Variants in FAF2 observed in about 807,000 individuals in gnomAD.
FAF2 encodes the protein FAS-associated factor 2.
A neutral mutation model predicts 62.3 loss-of-function variants in FAF2; 9 were observed. That is an observed-to-expected ratio of 0.14 (90% CI 0.09 to 0.25). FAF2 has a LOEUF of 0.25. Ranked by LOEUF, FAF2 falls within the 10% of genes least tolerant of loss-of-function variation. FAF2 has a pLI of 1.00. For synonymous variants in FAF2, 202 were observed against 198.0 expected, an observed-to-expected ratio of 1.02 and a Z score of -0.17; for missense variants, 368 against 556.2, an observed-to-expected ratio of 0.66 and a Z score of 3.40.
chr5:176,475,756 G>A (rs1017422219), intron 1 of FAF2, among the ~76,000 whole-genome samples: 4 of 150,828 alleles, frequency 2.7e-5, no homozygotes, highest in Admixed American at 6.6e-5. Flanking sequence ...GGACAAGAGC[G>A]AGACTTCGTC....
intron 1 of FAF2, among the ~76,000 whole-genome samples, chr5:176,460,513 C>CGTGTGTGTGTGTGTGTGTGT (rs747582699): frequency 7.5e-6 from 1 of 132,626 alleles, no homozygotes; most frequent in African/African-American, 2.8e-5. Flanking sequence ...TTTTTGGCCG[C>CGTGTGTGTGTGTGTGTGTGT]GTGTGTGTGT....
intron 3 of FAF2, among the ~76,000 whole-genome samples, chr5:176,488,135 A>G (rs1268586546): frequency 6.6e-6 from 1 of 151,634 alleles, no homozygotes; most frequent in Non-Finnish European, 1.5e-5. Flanking sequence ...GAGCCACCAC[A>G]CCCAGCTAAT....
At chr5:176,452,287 A>AC (rs1321593233) in intron 1 of FAF2, among the ~76,000 whole-genome samples, 5 of 152,040 alleles carry the variant, frequency 3.3e-5, no homozygotes, top group African/African-American at 1.2e-4. Context: ...CGAACTCCTG[A>AC]CCTCAGGTGA....
chr5:176,449,296 G>C (rs950131850), intron 1 of FAF2, among the ~76,000 whole-genome samples: 19 of 152,186 alleles, frequency 1.2e-4, no homozygotes, highest in Non-Finnish European at 2.4e-4. Flanking sequence ...CTACCCCCAG[G>C]CCAGGAGCGG....
At position 176,492,349 on chromosome 5, in the gene FAF2, A is replaced by G. The variant is rs750376864; in HGVS notation, c.483+17A>G. ...TACAGCCAGGTCAGTGCCATAAACCATATAGATGCCAACTTACCGAAATGA... is the reference window on the plus strand; with the variant it reads ...TACAGCCAGGTCAGTGCCATAAACCGTATAGATGCCAACTTACCGAAATGA... On this transcript the variant is annotated intron_variant, in intron 5 of 10. Coordinates refer to ENST00000261942, the MANE Select transcript of FAF2 (RefSeq NM_014613.3). The G allele has an allele frequency of 5.6e-6, 9 of 1,604,282 alleles. No individual in the cohort carries two copies. The highest frequency in any genetic ancestry group is 7.7e-6 in the Non-Finnish European group (9 of 1,175,248).
At chr5:176,490,470 G>A (rs997017559) in intron 4 of FAF2, among the ~76,000 whole-genome samples, 3 of 151,962 alleles carry the variant, frequency 2.0e-5, no homozygotes, top group Admixed American at 6.6e-5. Context: ...ATGTAGTCTG[G>A]GCCTTCCCTG....
intron 2 of FAF2, among the ~76,000 whole-genome samples, chr5:176,479,834 T>C (rs1359920103): frequency 6.6e-6 from 1 of 152,072 alleles, no homozygotes; most frequent in African/African-American, 2.4e-5. Flanking sequence ...GTAGCTGGGA[T>C]TACAGGCAGA....
intron 2 of FAF2, 40 bp downstream of exon 2, chr5:176,479,296 G>A (rs746455316): frequency 3.9e-6 from 6 of 1,519,360 alleles, no homozygotes; most frequent in Non-Finnish European, 5.5e-6. Context: ...CTTTTTCTCT[G>A]GTCTGATTAA....
chr5:176,479,330 A>G, intron 2 of FAF2, 74 bp downstream of exon 2: 2 of 1,195,292 alleles, frequency 1.7e-6, no homozygotes, highest in East Asian at 2.4e-5. Context: ...ATGTTTTTCC[A>G]TAGCAGGAAT....
intron 1 of FAF2, among the ~76,000 whole-genome samples, chr5:176,459,092 C>G (rs944260252): frequency 3.3e-5 from 5 of 152,062 alleles, no homozygotes; most frequent in African/African-American, 1.2e-4. Context: ...GATAGATGCT[C>G]AATTAATATT....
chr5:176,481,283 T>C (rs1190397366), intron 2 of FAF2, among the ~76,000 whole-genome samples: 1 of 152,076 alleles, frequency 6.6e-6, no homozygotes, highest in African/African-American at 2.4e-5. Flanking sequence ...CCTGACCTTG[T>C]GATCCACCCA....
chr5:176,452,318 A>G (rs1322228665), intron 1 of FAF2, among the ~76,000 whole-genome samples: 1 of 152,122 alleles, frequency 6.6e-6, no homozygotes, highest in East Asian at 1.9e-4. Flanking sequence ...TCGGCCTCCC[A>G]AAGTGCTCGG....
In FAF2 at chr5:176,507,275, G is replaced by A. The variant is rs1468490602; in HGVS notation, c.*325G>A. ...TTCGACCCATCCATTGTCCCAGCTGGGAAGGGGACATTCCCACTAGTTCTC... is the reference window on the plus strand; with the variant it reads ...TTCGACCCATCCATTGTCCCAGCTGAGAAGGGGACATTCCCACTAGTTCTC... On this transcript the variant is annotated 3_prime_UTR_variant, in exon 11 of 11. Coordinates refer to ENST00000261942, the MANE Select transcript of FAF2 (RefSeq NM_014613.3). 8.8e-6 allele frequency: 4 copies of A among 454,134 alleles called. No homozygotes were observed. Among genetic ancestry groups the A allele is most frequent in the Non-Finnish European group, 1.8e-5 (4 of 226,304 alleles). 28.1% of individuals were successfully genotyped at this position (454,134 alleles called of 1,614,324 possible).
At chr5:176,463,996 C>T (rs534581564) in intron 1 of FAF2, among the ~76,000 whole-genome samples, 1 of 152,284 alleles carries the variant, frequency 6.6e-6, no homozygotes, top group East Asian at 1.9e-4. Context: ...TCCCATAGTG[C>T]TGAGATTACA....
At chr5:176,496,035 T>G (rs1395495804) in intron 7 of FAF2, among the ~76,000 whole-genome samples, 5 of 152,190 alleles carry the variant, frequency 3.3e-5, no homozygotes, top group Non-Finnish European at 7.3e-5. Context: ...TATAGATCCT[T>G]TTTGTACCAT....
At chr5:176,482,340 C>T (rs899095201) in intron 2 of FAF2, among the ~76,000 whole-genome samples, 1 of 151,854 alleles carries the variant, frequency 6.6e-6, no homozygotes, top group Non-Finnish European at 1.5e-5. Context: ...GCCTCAGCCT[C>T]CTGAGTAGCT....
intron 1 of FAF2, among the ~76,000 whole-genome samples, chr5:176,455,968 G>A (rs1186355077): frequency 6.6e-6 from 1 of 150,868 alleles, no homozygotes; most frequent in Non-Finnish European, 1.5e-5. Context: ...ATTAGTTATG[G>A]GTCTCATTCT....
chr5:176,498,971 C>G lies in FAF2; in HGVS notation c.897C>G (p.Ala299=). Residue 299 remains alanine, a synonymous_variant, in exon 9 of 11, where the codon GCC becomes GCG. Coordinates refer to ENST00000261942, the MANE Select transcript of FAF2 (RefSeq NM_014613.3). ...LRQQQDEAYL[A]SLRADQEKER... is the part of the protein sequence containing the mutation. Reference sequence around the variant, plus strand: ...AACAGCAGGATGAGGCCTACCTGGCCTCTCTCAGAGCTGACCAGGAGAAAG... The same window carrying G: ...AACAGCAGGATGAGGCCTACCTGGCGTCTCTCAGAGCTGACCAGGAGAAAG... The G allele has an allele frequency of 6.2e-7, 1 of 1,612,964 alleles. No homozygotes were observed. Among genetic ancestry groups the G allele is most frequent in the South Asian group, 1.1e-5 (1 of 90,942 alleles).
At chr5:176,452,567 T>TA (rs1758206924) in intron 1 of FAF2, among the ~76,000 whole-genome samples, 1 of 152,226 alleles carries the variant, frequency 6.6e-6, no homozygotes, top group Non-Finnish European at 1.5e-5. Context: ...GAGTTCTTAC[T>TA]AATATACCTT....
Sources: allele counts gnomAD v4.1 joint callset (sites outside exome capture counted in the v4.1 genomes callset), GRCh38; gene constraint gnomAD v4.1.1; transcripts MANE v1.5; gene names NCBI Gene and HGNC (gene_info 2026-07-23, HGNC 2026-07-21).